The following FAM185A variants were observed in gnomAD, a reference collection of about 807,000 sequenced individuals.
FAM185A encodes the protein protein FAM185A.
Under a neutral mutation model 45.7 loss-of-function variants are expected in FAM185A, and 21 were observed. The observed-to-expected ratio is 0.46, with a 90% confidence interval of 0.33 to 0.66. The LOEUF (loss-of-function observed/expected upper bound fraction) is 0.66, where lower values mean the gene tolerates loss of function less well. Among genes scored for constraint, FAM185A ranks in the 30% least tolerant of loss-of-function variants. The pLI is 0.03. For missense variants in FAM185A, 305 were observed against 485.4 expected, an observed-to-expected ratio of 0.63 and a Z score of 3.49; for synonymous variants, 117 against 194.0, an observed-to-expected ratio of 0.60 and a Z score of 3.30.
intron 7 of FAM185A, among the ~76,000 whole-genome samples, chr7:102,793,805 G>A (rs1169246018): frequency 2.6e-5 from 4 of 151,796 alleles, no homozygotes; most frequent in Non-Finnish European, 5.9e-5. Flanking sequence ...TTGGGAAGCC[G>A]AGGTGGGTGG....
At chr7:102,849,930 A>C in the FAM185A span, among the ~76,000 whole-genome samples, 1 of 152,194 alleles carries the variant, frequency 6.6e-6, no homozygotes, top group Non-Finnish European at 1.5e-5. Flanking sequence ...CAATAGGTGC[A>C]GCAAACCACC....
At chr7:102,786,734 C>T (rs1274326565) in intron 6 of FAM185A, among the ~76,000 whole-genome samples, 2 of 151,684 alleles carry the variant, frequency 1.3e-5, no homozygotes, top group Non-Finnish European at 2.9e-5. Flanking sequence ...TGTTAAATGA[C>T]AAGTTAATGG....
chr7:102,757,726 C>T, intron 2 of FAM185A, 128 bp from the exon 3 acceptor site: 2 of 1,299,900 alleles, frequency 1.5e-6, no homozygotes. Context: ...CAGTGAGTTT[C>T]TATTTCATTC....
the FAM185A span, among the ~76,000 whole-genome samples, chr7:102,831,430 C>T: frequency 6.6e-6 from 1 of 151,260 alleles, no homozygotes; most frequent in African/African-American, 2.4e-5. Flanking sequence ...CACACACACA[C>T]ACCCCACTAC....
At chr7:102,778,275 G>A (rs1356347483) in intron 6 of FAM185A, among the ~76,000 whole-genome samples, 2 of 152,164 alleles carry the variant, frequency 1.3e-5, no homozygotes, top group Non-Finnish European at 2.9e-5. Flanking sequence ...TGATACACCG[G>A]TGTGACTTCT....
rs915563227 is a variant in FAM185A at position 102,749,132 on chromosome 7, G to A, written c.-76G>A. On this transcript the variant is annotated 5_prime_UTR_variant, in exon 1 of 8. Coordinates refer to ENST00000413034, the MANE Select transcript of FAM185A (RefSeq NM_001145268.2). ...CCTATTTGACTTGAGGCGGCACAGT[G>A]GCCAAGTCGATTGGCCGTGGCAAGT... is the stretch of plus-strand genomic sequence containing the variant. 1 of 1,532,768 alleles carries A rather than the reference G, an allele frequency of 6.5e-7. No homozygotes were observed. Among genetic ancestry groups the A allele is most frequent in the African/African-American group, 1.4e-5 (1 of 72,700 alleles). The allele number at this position is 1,532,768 out of a possible 1,614,324, so 94.9% of individuals were successfully genotyped here.
chr7:102,789,361 C>T (rs116867643), intron 7 of FAM185A, among the ~76,000 whole-genome samples: 333 of 140,906 alleles, frequency 2.4e-3, no homozygotes, highest in Middle Eastern at 7.1e-3. Context: ...CTTAAGTGAT[C>T]CTCCCGCCTC....
At chr7:102,784,587 T>G (rs1795649654) in intron 6 of FAM185A, among the ~76,000 whole-genome samples, 1 of 152,050 alleles carries the variant, frequency 6.6e-6, no homozygotes, top group Non-Finnish European at 1.5e-5. Flanking sequence ...AAAAACCATA[T>G]GATTATCTCA....
intron 3 of FAM185A, among the ~76,000 whole-genome samples, chr7:102,758,787 A>G (rs1793934873): frequency 6.6e-6 from 1 of 151,668 alleles, no homozygotes; most frequent in South Asian, 2.1e-4. Flanking sequence ...AACAAGATAG[A>G]CTATAACAGT....
At chr7:102,839,234 T>A in the FAM185A span, among the ~76,000 whole-genome samples, 1 of 152,202 alleles carries the variant, frequency 6.6e-6, no homozygotes, top group African/African-American at 2.4e-5. Context: ...GTGACACAGA[T>A]TCCTTTGCTC....
At chr7:102,818,180 G>A in the FAM185A span, among the ~76,000 whole-genome samples, 1 of 152,158 alleles carries the variant, frequency 6.6e-6, no homozygotes, top group African/African-American at 2.4e-5. Flanking sequence ...CTCTTATTGT[G>A]CATCAGACAT....
intron 2 of FAM185A, among the ~76,000 whole-genome samples, chr7:102,754,020 C>G (rs1228654382): frequency 6.6e-6 from 1 of 152,052 alleles, no homozygotes; most frequent in African/African-American, 2.4e-5. Flanking sequence ...AGAGAATTAT[C>G]CTTGAGATCA....
the FAM185A span, among the ~76,000 whole-genome samples, chr7:102,827,591 ATG>A: frequency 6.6e-6 from 1 of 151,826 alleles, no homozygotes; most frequent in Non-Finnish European, 1.5e-5. Context: ...TTTGTTACAT[ATG>A]TATACATGTG....
At chr7:102,807,000 T>C (rs1401805037) in intron 7 of FAM185A, among the ~76,000 whole-genome samples, 1 of 152,160 alleles carries the variant, frequency 6.6e-6, no homozygotes, top group African/African-American at 2.4e-5. Context: ...TGAGCAGGCA[T>C]TGAGGAAACT....
At chr7:102,788,332 A>C (rs1486629443) in intron 7 of FAM185A, among the ~76,000 whole-genome samples, 2 of 152,198 alleles carry the variant, frequency 1.3e-5, no homozygotes, top group Non-Finnish European at 2.9e-5. Flanking sequence ...AAATTTTACC[A>C]GAATGGCATC....
chr7:102,767,134 C>CTT (rs56733214), intron 4 of FAM185A, among the ~76,000 whole-genome samples: 14,959 of 139,676 alleles, frequency 0.11, 893 homozygotes, highest in East Asian at 0.2. Context: ...AGAATTACAG[C>CTT]TTTTTTTTTT....
chr7:102,772,390 A>T lies in FAM185A; in HGVS notation c.794-19A>T. The T allele has an allele frequency of 6.6e-7, 1 of 1,517,348 alleles. No homozygotes were observed. Among genetic ancestry groups the T allele is most frequent in the East Asian group, 2.5e-5 (1 of 40,132 alleles). The allele number at this position is 1,517,348 out of a possible 1,614,324, so 94.0% of individuals were successfully genotyped here. On this transcript the variant is annotated intron_variant, in intron 4 of 7. Transcript: ENST00000413034. ...TAGATTGTCTCTAGTACATAAAAGTATCTTTTTCTTTTTGGCAGGTAATAT... is the reference window on the plus strand; with the variant it reads ...TAGATTGTCTCTAGTACATAAAAGTTTCTTTTTCTTTTTGGCAGGTAATAT...
At chr7:102,846,891 C>T in the FAM185A span, among the ~76,000 whole-genome samples, 195 of 152,224 alleles carry the variant, frequency 1.3e-3, 2 homozygotes, top group African/African-American at 4.4e-3. Context: ...TGCTCACTGA[C>T]GGTGGCTGTC....
the FAM185A span, among the ~76,000 whole-genome samples, chr7:102,841,850 A>T: frequency 6.6e-6 from 1 of 152,162 alleles, no homozygotes; most frequent in East Asian, 1.9e-4. Flanking sequence ...TATCCTTGGC[A>T]TGGATAGCCA....
Sources: allele counts gnomAD v4.1 joint callset (sites outside exome capture counted in the v4.1 genomes callset), GRCh38; gene constraint gnomAD v4.1.1; transcripts MANE v1.5; gene names NCBI Gene and HGNC (gene_info 2026-07-23, HGNC 2026-07-21).